Variants in COMMD10 observed in about 807,000 individuals in gnomAD.
The protein encoded by COMMD10 is COMM domain containing 10, also known as COMM domain-containing protein 10.
A neutral mutation model predicts 28.9 loss-of-function variants in COMMD10; 33 were observed. That is an observed-to-expected ratio of 1.14 (90% CI 0.87 to 1.53). The LOEUF (loss-of-function observed/expected upper bound fraction) is 1.53, where lower values mean the gene tolerates loss of function less well. Ranked by LOEUF, COMMD10 falls within the 40% of genes most tolerant of loss-of-function variation. COMMD10 has a pLI of 0.00. For synonymous variants in COMMD10, 110 were observed against 81.7 expected (o/e 1.35, Z -1.87); for missense variants, 310 against 233.4 (o/e 1.33, Z -2.14).
chr5:116,110,115 T>A (rs4921062), intron 4 of COMMD10, among the ~76,000 whole-genome samples: 76,637 of 152,010 alleles, frequency 0.5, 21,927 homozygotes, highest in Non-Finnish European at 0.65. Context: ...TATTTCTCAG[T>A]CTATTGGTTT....
intron 5 of COMMD10, among the ~76,000 whole-genome samples, chr5:116,184,185 A>G (rs1748066048): frequency 6.7e-6 from 1 of 149,538 alleles, no homozygotes; most frequent in Admixed American, 6.7e-5. Flanking sequence ...TAGAAAAAGG[A>G]CAGACATTTC....
At chr5:116,162,341 G>A (rs1011114315) in intron 5 of COMMD10, among the ~76,000 whole-genome samples, 2 of 151,616 alleles carry the variant, frequency 1.3e-5, no homozygotes, top group Non-Finnish European at 2.9e-5. Flanking sequence ...TGCACCTTAA[G>A]TAGTTTCATT....
chr5:116,095,077 T>G (rs1178348535), intron 4 of COMMD10, among the ~76,000 whole-genome samples: 1 of 152,154 alleles, frequency 6.6e-6, no homozygotes, highest in African/African-American at 2.4e-5. Context: ...TACAAACATA[T>G]AATCAGAAGT....
At chr5:116,136,173 C>G (rs574222725) in intron 5 of COMMD10, among the ~76,000 whole-genome samples, 2 of 152,076 alleles carry the variant, frequency 1.3e-5, no homozygotes, top group African/African-American at 4.8e-5. Flanking sequence ...CTTGCATTCC[C>G]TCTCCCTTTT....
At chr5:116,233,738 T>C (rs1360376779) in intron 5 of COMMD10, among the ~76,000 whole-genome samples, 1 of 152,130 alleles carries the variant, frequency 6.6e-6, no homozygotes, top group Non-Finnish European at 1.5e-5. Context: ...GTGAGCTTGG[T>C]ATCTTCATGA....
Position 116,292,924 on chromosome 5 carries a change from C to T in COMMD10, c.*435C>T, listed in dbSNP as rs1424726271. On this transcript the variant is annotated 3_prime_UTR_variant, in exon 7 of 7. Coordinates refer to ENST00000274458, the MANE Select transcript of COMMD10 (RefSeq NM_016144.4). ...ATAAAATTAAGAAAATAGCCATATACAATCAAATACACTATGGCATTTTTA... is the reference window on the plus strand; with the variant it reads ...ATAAAATTAAGAAAATAGCCATATATAATCAAATACACTATGGCATTTTTA... The T allele has an allele frequency of 2.5e-6, 1 of 395,834 alleles. No homozygotes were observed. Among genetic ancestry groups the T allele is most frequent in the Admixed American group, 4.4e-5 (1 of 22,618 alleles). 24.5% of individuals were successfully genotyped at this position (395,834 alleles called of 1,614,324 possible).
intron 5 of COMMD10, among the ~76,000 whole-genome samples, chr5:116,235,517 T>C (rs957889639): frequency 1.3e-5 from 2 of 152,180 alleles, no homozygotes; most frequent in African/African-American, 4.8e-5. Context: ...TTGGAGTATA[T>C]CCTCAAAGAT....
intron 1 of COMMD10, among the ~76,000 whole-genome samples, chr5:116,086,625 A>AT (rs1378999704): frequency 2.0e-5 from 3 of 152,162 alleles, no homozygotes; most frequent in Non-Finnish European, 2.9e-5. Flanking sequence ...CGCCCAGCTA[A>AT]TTTTTTGTAT....
intron 5 of COMMD10, among the ~76,000 whole-genome samples, chr5:116,263,131 A>G (rs867875257): frequency 2.8e-4 from 43 of 151,844 alleles, no homozygotes; most frequent in Admixed American, 2.5e-3. Flanking sequence ...TTTTACTTAC[A>G]CATATATTTT....
intron 5 of COMMD10, among the ~76,000 whole-genome samples, chr5:116,230,483 A>G (rs1241276273): frequency 6.6e-6 from 1 of 152,036 alleles, no homozygotes; most frequent in East Asian, 1.9e-4. Flanking sequence ...CTGGTACCTC[A>G]TAGATTTCTA....
At chr5:116,140,178 C>T (rs1253090812) in intron 5 of COMMD10, among the ~76,000 whole-genome samples, 1 of 150,752 alleles carries the variant, frequency 6.6e-6, no homozygotes, top group Non-Finnish European at 1.5e-5. Context: ...CCAGATTCAT[C>T]CATGTTGTTG....
intron 5 of COMMD10, among the ~76,000 whole-genome samples, chr5:116,263,922 G>A (rs1302444437): frequency 6.6e-6 from 1 of 151,718 alleles, no homozygotes; most frequent in Non-Finnish European, 1.5e-5. Context: ...CACAAGCCAT[G>A]GTCGCTCATA....
At chr5:116,112,633 A>T (rs1362550809) in intron 4 of COMMD10, among the ~76,000 whole-genome samples, 1 of 152,136 alleles carries the variant, frequency 6.6e-6, no homozygotes, top group East Asian at 1.9e-4. Flanking sequence ...TCACCTCATT[A>T]TCCGCCTGTG....
At chr5:116,275,802 A>T (rs185921252) in intron 5 of COMMD10, among the ~76,000 whole-genome samples, 1 of 151,846 alleles carries the variant, frequency 6.6e-6, no homozygotes, top group Admixed American at 6.6e-5. Flanking sequence ...ATCCTAAATC[A>T]TAAGGCATAA....
At chr5:116,119,931 A>G (rs1035394471) in intron 4 of COMMD10, among the ~76,000 whole-genome samples, 4 of 152,156 alleles carry the variant, frequency 2.6e-5, no homozygotes, top group African/African-American at 9.7e-5. Context: ...GTATCTTTAA[A>G]AAATAATGTT....
In COMMD10 at chr5:116,181,101, G is replaced by A. The variant is rs189259355; in HGVS notation, c.510+46923G>A. Among the ~76,000 whole-genome samples, 748 of 152,122 alleles carry A rather than the reference G, an allele frequency of 4.9e-3. 11 individuals are homozygous for A. Among genetic ancestry groups the A allele is most frequent in the African/African-American group, 0.017 (705 of 41,504 alleles). On this transcript the variant is annotated intron_variant, in intron 5 of 6. Coordinates refer to ENST00000274458, the MANE Select transcript of COMMD10 (RefSeq NM_016144.4). ...TGAAGCTGCAGTGAGCTGAGATTGT[G>A]CCACTGTACTTCAGCCTGGGCGACA... is the stretch of plus-strand genomic sequence containing the variant.
intron 4 of COMMD10, among the ~76,000 whole-genome samples, chr5:116,113,989 T>C (rs2112741101): frequency 6.6e-6 from 1 of 152,274 alleles, no homozygotes; most frequent in Middle Eastern, 3.4e-3. Context: ...TAGGGCCACT[T>C]GTTTTTATTT....
At chr5:116,141,437 T>C (rs776688536) in intron 5 of COMMD10, among the ~76,000 whole-genome samples, 1 of 151,908 alleles carries the variant, frequency 6.6e-6, no homozygotes, top group Non-Finnish European at 1.5e-5. Flanking sequence ...TTTCTCTATT[T>C]CTGTGAAAAA....
chr5:116,124,227 C>T (rs1318333399), intron 4 of COMMD10, among the ~76,000 whole-genome samples: 2 of 152,146 alleles, frequency 1.3e-5, no homozygotes, highest in African/African-American at 2.4e-5. Context: ...TTTCCTTCTA[C>T]ATACTGCTAT....
Sources: allele counts gnomAD v4.1 joint callset (sites outside exome capture counted in the v4.1 genomes callset), GRCh38; gene constraint gnomAD v4.1.1; transcripts MANE v1.5; gene names NCBI Gene and HGNC (gene_info 2026-07-23, HGNC 2026-07-21).